The following ZNF385B variants were observed in gnomAD, a reference collection of about 807,000 sequenced individuals.
ZNF385B encodes the protein zinc finger protein 385B.
In ZNF385B, 23 loss-of-function variants were observed where a neutral mutation model predicts 39.2. The observed-to-expected ratio is 0.59, with a 90% CI of 0.42 to 0.83. The LOEUF (loss-of-function observed/expected upper bound fraction) is 0.83, where lower values mean the gene tolerates loss of function less well. Ranked by LOEUF, ZNF385B falls within the 40% of genes least tolerant of loss-of-function variation. The pLI, the probability that ZNF385B is intolerant of heterozygous loss-of-function variation, is 0.00. For missense variants in ZNF385B, 552 were observed against 598.9 expected (o/e 0.92, Z 0.82); for synonymous variants, 205 against 222.6 (o/e 0.92, Z 0.70).
intron 3 of ZNF385B, among the ~76,000 whole-genome samples, chr2:179,721,435 C>G (rs1379952933): frequency 1.3e-5 from 2 of 151,926 alleles, no homozygotes; most frequent in African/African-American, 4.8e-5. Flanking sequence ...AAATTTTCAT[C>G]CAAAGAATGA....
chr2:179,580,344 A>G (rs759267670), intron 3 of ZNF385B, among the ~76,000 whole-genome samples: 10 of 152,192 alleles, frequency 6.6e-5, no homozygotes, highest in Non-Finnish European at 1.3e-4. Flanking sequence ...CTTCCACCAT[A>G]GAAAACTTTA....
At chr2:179,823,569 T>C (rs879036573) in intron 1 of ZNF385B, among the ~76,000 whole-genome samples, 3 of 152,164 alleles carry the variant, frequency 2.0e-5, no homozygotes, top group Admixed American at 2.0e-4. Flanking sequence ...GGATTTTTTT[T>C]CCTCCCAATT....
At chr2:179,843,271 C>A (rs1708635339) in intron 1 of ZNF385B, among the ~76,000 whole-genome samples, 1 of 152,164 alleles carries the variant, frequency 6.6e-6, no homozygotes, top group African/African-American at 2.4e-5. Context: ...CACAGGGGAA[C>A]TAGCTACCTA....
rs1575576768 is a variant in ZNF385B at position 179,835,819 on chromosome 2, A to G, written c.-155+25282T>C. Reference sequence around the variant, plus strand: ...GCAGGCTTTCTCTGACACCAATTCTACTCTAGCCCCTCACTTCTGGCACAT... The same window carrying G: ...GCAGGCTTTCTCTGACACCAATTCTGCTCTAGCCCCTCACTTCTGGCACAT... On this transcript the variant is annotated intron_variant, in intron 1 of 9. Transcript: ENST00000410066. 3.3e-5 allele frequency among the ~76,000 whole-genome samples: 5 copies of G among 151,582 alleles called. 1 individual carries two copies. The highest frequency in any genetic ancestry group is 3.3e-4 in the Admixed American group (5 of 15,224).
chr2:179,767,033 C>T (rs73048508), intron 3 of ZNF385B, among the ~76,000 whole-genome samples: 9 of 152,202 alleles, frequency 5.9e-5, no homozygotes, highest in African/African-American at 1.4e-4. Context: ...GACCTCAATC[C>T]CCCAGCATTG....
intron 4 of ZNF385B, among the ~76,000 whole-genome samples, chr2:179,521,501 C>A (rs1489062284): frequency 1.3e-5 from 2 of 151,778 alleles, no homozygotes; most frequent in African/African-American, 2.4e-5. Context: ...TGCCCGGCCC[C>A]TAATAGTTTT....
chr2:179,827,891 A>C (rs1240606916), intron 1 of ZNF385B, among the ~76,000 whole-genome samples: 1 of 152,182 alleles, frequency 6.6e-6, no homozygotes, highest in Non-Finnish European at 1.5e-5. Context: ...CCTCAAGGGT[A>C]ACCACTATCC....
chr2:179,820,537 T>C (rs1707340267), intron 1 of ZNF385B, among the ~76,000 whole-genome samples: 1 of 151,964 alleles, frequency 6.6e-6, no homozygotes, highest in African/African-American at 2.4e-5. Flanking sequence ...TGTTTATTGG[T>C]ATTACTTTGT....
At chr2:179,644,127 A>G (rs1559023228) in intron 3 of ZNF385B, among the ~76,000 whole-genome samples, 1 of 152,078 alleles carries the variant, frequency 6.6e-6, no homozygotes, top group Non-Finnish European at 1.5e-5. Context: ...GAAATCCTGG[A>G]GTTTGCTTCC....
At chr2:179,846,394 G>A (rs961919344) in intron 1 of ZNF385B, among the ~76,000 whole-genome samples, 5 of 152,240 alleles carry the variant, frequency 3.3e-5, no homozygotes, top group Non-Finnish European at 7.3e-5. Flanking sequence ...CCGACACAAG[G>A]TGGTGATGTT....
chr2:179,742,001 T>C (rs1702116359), intron 3 of ZNF385B, among the ~76,000 whole-genome samples: 1 of 152,094 alleles, frequency 6.6e-6, no homozygotes, highest in Non-Finnish European at 1.5e-5. Flanking sequence ...AATTAATAAG[T>C]ATCTCAAACC....
chr2:179,484,008 T>C (rs1014303120), intron 5 of ZNF385B, among the ~76,000 whole-genome samples: 2 of 152,182 alleles, frequency 1.3e-5, no homozygotes, highest in Non-Finnish European at 2.9e-5. Flanking sequence ...CAAGAACAGA[T>C]AATGTAAGCC....
rs149221082 is a variant in ZNF385B at position 179,455,616 on chromosome 2, C to T, written c.716-8846G>A. On this transcript the variant is annotated intron_variant, in intron 6 of 9. Transcript: ENST00000410066. ...TATAAATTACCTAGTCTCGGCCAGGCGCAGTGGCTCACACCTGTAATCCCA... is the reference window on the plus strand; with the variant it reads ...TATAAATTACCTAGTCTCGGCCAGGTGCAGTGGCTCACACCTGTAATCCCA... Among the ~76,000 whole-genome samples the T allele has an allele frequency of 3.8e-3, 577 of 152,114 alleles. 7 individuals carry two copies. The highest frequency in any genetic ancestry group is 0.014 in the African/African-American group (565 of 41,492).
intron 1 of ZNF385B, among the ~76,000 whole-genome samples, chr2:179,808,261 T>C (rs1480448516): frequency 6.6e-6 from 1 of 152,172 alleles, no homozygotes. Context: ...CTCGATCTCC[T>C]GACCTTGTGA....
chr2:179,576,226 C>T (rs17817451), intron 3 of ZNF385B: 27,247 of 974,530 alleles, frequency 0.028, 440 homozygotes, highest in Non-Finnish European at 0.031. Context: ...CAGTTTTAAT[C>T]TCTTTGGATC....
At chr2:179,652,519 G>A (rs34714722) in intron 3 of ZNF385B, among the ~76,000 whole-genome samples, 51,053 of 151,872 alleles carry the variant, frequency 0.34, 9,673 homozygotes, top group Admixed American at 0.43. Flanking sequence ...TAAACTGCTC[G>A]TCTGAGCAGC....
intron 1 of ZNF385B, among the ~76,000 whole-genome samples, chr2:179,819,976 T>A (rs1707307316): frequency 6.6e-6 from 1 of 152,168 alleles, no homozygotes; most frequent in South Asian, 2.1e-4. Flanking sequence ...AAAATGTCAT[T>A]AGCACACTGT....
chr2:179,777,915 G>A (rs1704435558), intron 1 of ZNF385B, among the ~76,000 whole-genome samples: 2 of 151,892 alleles, frequency 1.3e-5, no homozygotes, highest in South Asian at 4.2e-4. Flanking sequence ...TGGAATTACA[G>A]GCATGTGCCA....
chr2:179,828,407 C>T (rs1348906023), intron 1 of ZNF385B, among the ~76,000 whole-genome samples: 1 of 152,152 alleles, frequency 6.6e-6, no homozygotes, highest in Admixed American at 6.5e-5. Flanking sequence ...CCATATTACA[C>T]ACAACATTTA....
Sources: gnomAD v4.1 joint callset for allele counts (sites outside exome capture counted in the v4.1 genomes callset) on GRCh38, gnomAD v4.1.1 for gene constraint, MANE v1.5 for transcripts, NCBI Gene and HGNC (gene_info 2026-07-23, HGNC 2026-07-21) for gene names.